The following CEP63 variants were observed in gnomAD, a reference collection of about 807,000 sequenced individuals.
The protein encoded by CEP63 is centrosomal protein 63, also known as centrosomal protein of 63 kDa.
Under a neutral mutation model 89.1 loss-of-function variants are expected in CEP63, and 84 were observed. The observed-to-expected ratio is 0.94, with a 90% CI of 0.79 to 1.13. The LOEUF (loss-of-function observed/expected upper bound fraction) is 1.13, where lower values mean the gene tolerates loss of function less well. CEP63 is among the 50% of genes most tolerant of loss of function. The pLI is 0.00. For missense variants in CEP63, 838 were observed against 813.3 expected (o/e 1.03, Z -0.37); for synonymous variants, 267 against 272.5 (o/e 0.98, Z 0.20).
chr3:134,553,597 C>G (rs1228526835), intron 12 of CEP63: 1 of 152,026 alleles, frequency 6.6e-6, no homozygotes, highest in Non-Finnish European at 1.5e-5. Flanking sequence ...AATAGACATT[C>G]TTTTACTAAT....
the CEP63 span, among the ~76,000 whole-genome samples, chr3:134,707,207 C>G: frequency 6.6e-6 from 1 of 152,222 alleles, no homozygotes; most frequent in South Asian, 2.1e-4. Flanking sequence ...TACTCAGTCT[C>G]TTTCCTATAG....
In CEP63 at chr3:134,533,662, C is replaced by A. The variant is rs1950251387; in HGVS notation, c.441+762C>A. 2.0e-5 allele frequency among the ~76,000 whole-genome samples: 3 copies of A among 152,082 alleles called. No individual in the cohort carries two copies. The South Asian group carries it at 6.2e-4, about 31-fold the overall frequency. On this transcript the variant is annotated intron_variant, in intron 5 of 14. Coordinates refer to ENST00000675561, the MANE Select transcript of CEP63 (RefSeq NM_001353108.3). ...AGTTCTTCACTGGACATAAGAATTCCCAGGGTGCTTTTAGGCTCTCAGAAA... is the reference window on the plus strand; with the variant it reads ...AGTTCTTCACTGGACATAAGAATTCACAGGGTGCTTTTAGGCTCTCAGAAA...
rs762439392 is a variant in CEP63 at position 134,507,140 on chromosome 3, C to T, written c.76C>T (p.Gln26Ter). The change falls in exon 3 of 15, where the codon CAG becomes TAG. Residue 26 changes from glutamine (Q) to a stop codon, truncating the protein, a stop_gained. Transcript: ENST00000675561. LOFTEE classifies it high-confidence loss of function. Reference sequence around the variant, plus strand: ...TTTGACATCTTGTGAAGCAGAACTACAGGAGCTCATGAAACAGATTGACAT... The same window carrying T: ...TTTGACATCTTGTGAAGCAGAACTATAGGAGCTCATGAAACAGATTGACAT... Reference protein sequence around the residue: ...GFLTSCEAELQELMKQIDIMV... With the variant: ...GFLTSCEAEL The T allele has an allele frequency of 1.2e-6, 2 of 1,613,434 alleles. No homozygotes were observed. Among genetic ancestry groups the T allele is most frequent in the Non-Finnish European group, 1.7e-6 (2 of 1,179,810 alleles).
intron 10 of CEP63, among the ~76,000 whole-genome samples, chr3:134,581,804 T>C (rs1464394456): frequency 2.1e-5 from 3 of 144,158 alleles, no homozygotes. Context: ...GCCTCCCGAG[T>C]AGCTGGGACT....
chr3:134,549,112 A>G lies in CEP63; in HGVS notation c.1118A>G (p.Glu373Gly), dbSNP rs1954248861. 1 of 1,613,414 alleles carries G rather than the reference A, an allele frequency of 6.2e-7. No homozygotes were observed. Among genetic ancestry groups the G allele is most frequent in the African/African-American group, 1.3e-5 (1 of 74,912 alleles). ...TCKQLSQELMEKYEELKRMEA... is the reference protein window; with the variant it reads ...TCKQLSQELMGKYEELKRMEA... ...AAACAGCTGAGCCAAGAACTAATGG[A>G]AAAATATGAAGAACTGAAGAGGATG... Residue 373 changes from glutamate to glycine, a missense_variant, in exon 10 of 15, where the codon GAA (glutamate) becomes GGA (glycine). Transcript: ENST00000675561.
intron 6 of CEP63, among the ~76,000 whole-genome samples, chr3:134,542,556 C>G (rs958639221): frequency 6.6e-6 from 1 of 152,146 alleles, no homozygotes; most frequent in Non-Finnish European, 1.5e-5. Flanking sequence ...TTACAATGGC[C>G]GTACCTTCAT....
intron 10 of CEP63, among the ~76,000 whole-genome samples, chr3:134,583,329 T>A (rs1044023049): frequency 2.0e-5 from 3 of 152,220 alleles, no homozygotes; most frequent in Non-Finnish European, 2.9e-5. Flanking sequence ...CATTTAAGTC[T>A]TTAATCCATC....
the CEP63 span, among the ~76,000 whole-genome samples, chr3:134,636,413 A>G: frequency 3.3e-5 from 5 of 152,178 alleles, no homozygotes; most frequent in Admixed American, 3.3e-4. Context: ...GCCAGAAGTG[A>G]TGTTGCACAA....
At chr3:134,678,561 G>A in the CEP63 span, among the ~76,000 whole-genome samples, 2 of 152,188 alleles carry the variant, frequency 1.3e-5, no homozygotes, top group Non-Finnish European at 2.9e-5. Context: ...ACACTCTCCA[G>A]CCACTCACTG....
chr3:134,731,702 C>G, the CEP63 span, among the ~76,000 whole-genome samples: 1 of 152,118 alleles, frequency 6.6e-6, no homozygotes, highest in Non-Finnish European at 1.5e-5. Context: ...GAGACAGAGA[C>G]TACCGAAAAC....
chr3:134,527,112 G>A (rs972952123), intron 3 of CEP63, among the ~76,000 whole-genome samples: 5 of 152,234 alleles, frequency 3.3e-5, no homozygotes, highest in African/African-American at 1.2e-4. Flanking sequence ...GGTAGCAGCA[G>A]TGCAGTGGGG....
At chr3:134,602,028 C>T in the CEP63 span, among the ~76,000 whole-genome samples, 3 of 151,994 alleles carry the variant, frequency 2.0e-5, no homozygotes, top group Non-Finnish European at 4.4e-5. Context: ...GTGAGTGCCA[C>T]GGAGGAAGCT....
At chr3:134,710,394 G>A in the CEP63 span, among the ~76,000 whole-genome samples, 20 of 152,316 alleles carry the variant, frequency 1.3e-4, no homozygotes, top group African/African-American at 4.6e-4. Context: ...ATGAGAACAC[G>A]TCCACCCTGA....
At chr3:134,652,921 G>T in the CEP63 span, among the ~76,000 whole-genome samples, 1 of 152,166 alleles carries the variant, frequency 6.6e-6, no homozygotes, top group African/African-American at 2.4e-5. Flanking sequence ...TGATGGTGGG[G>T]GGAGCTGAAG....
the CEP63 span, among the ~76,000 whole-genome samples, chr3:134,678,337 C>G: frequency 2.0e-5 from 3 of 152,188 alleles, no homozygotes; most frequent in South Asian, 4.1e-4. Flanking sequence ...TCTGTACCCC[C>G]ACCCAGGCCA....
intron 1 of CEP63, among the ~76,000 whole-genome samples, chr3:134,494,092 ATATTTATTTATTTATTTATTTATT>A (rs56200311): frequency 1.4e-5 from 2 of 143,598 alleles, no homozygotes; most frequent in East Asian, 4.0e-4. Context: ...CCTTTATTTT[ATATTTATTTATTTATTTATTTATT>A]TATTTATTTA....
the CEP63 span, among the ~76,000 whole-genome samples, chr3:134,724,830 ACTG>A: frequency 6.6e-6 from 1 of 152,234 alleles, no homozygotes; most frequent in Admixed American, 6.5e-5. Context: ...CACAAATACA[ACTG>A]CAATAGCTCA....
chr3:134,583,135 T>A (rs1291515739), intron 10 of CEP63, among the ~76,000 whole-genome samples: 1 of 152,232 alleles, frequency 6.6e-6, no homozygotes, highest in Non-Finnish European at 1.5e-5. Flanking sequence ...AGGTTGCCTG[T>A]TGACTCTGAT....
At chr3:134,521,664 A>G (rs1161245647) in intron 3 of CEP63, among the ~76,000 whole-genome samples, 2 of 152,212 alleles carry the variant, frequency 1.3e-5, no homozygotes, top group African/African-American at 4.8e-5. Flanking sequence ...AGTAGGAAGT[A>G]CTAGAAGATC....
Sources: gnomAD v4.1 joint callset for allele counts (sites outside exome capture counted in the v4.1 genomes callset) on GRCh38, gnomAD v4.1.1 for gene constraint, MANE v1.5 for transcripts, NCBI Gene and HGNC (gene_info 2026-07-23, HGNC 2026-07-21) for gene names.